Variants in PTPRK observed in about 807,000 individuals in gnomAD.
The protein encoded by PTPRK is receptor-type tyrosine-protein phosphatase kappa.
In PTPRK, 75 loss-of-function variants were observed where a neutral mutation model predicts 178.0. The ratio of observed to expected loss-of-function variants is 0.42; its 90% confidence interval spans 0.35 to 0.51. The LOEUF is 0.51. Ranked by LOEUF, PTPRK falls within the 20% of genes least tolerant of loss-of-function variation. PTPRK has a pLI of 0.02. For synonymous variants in PTPRK, 637 were observed against 620.6 expected (o/e 1.03, Z -0.39); for missense variants, 1,441 against 1,797.8 (o/e 0.80, Z 3.59).
At chr6:128,384,326 C>T (rs1443185571) in intron 2 of PTPRK, among the ~76,000 whole-genome samples, 1 of 152,064 alleles carries the variant, frequency 6.6e-6, no homozygotes, top group East Asian at 1.9e-4. Flanking sequence ...GGAGATATTT[C>T]TCAACATATA....
chr6:128,231,168 C>G (rs1034238357), intron 5 of PTPRK, among the ~76,000 whole-genome samples: 1 of 152,132 alleles, frequency 6.6e-6, no homozygotes, highest in Admixed American at 6.5e-5. Context: ...GATATGAGAT[C>G]GGTGACTTTA....
intron 7 of PTPRK, among the ~76,000 whole-genome samples, chr6:128,169,113 C>A (rs927280536): frequency 5.9e-5 from 9 of 152,082 alleles, no homozygotes; most frequent in Middle Eastern, 3.4e-3. Context: ...AGGTTAGGAA[C>A]ATTAAGTAGA....
intron 1 of PTPRK, among the ~76,000 whole-genome samples, chr6:128,481,316 T>C (rs1293537369): frequency 6.6e-6 from 1 of 152,206 alleles, no homozygotes; most frequent in Non-Finnish European, 1.5e-5. Flanking sequence ...AGATTTAGAA[T>C]ATGAAATTCT....
chr6:128,226,696 T>C (rs1327460057), intron 5 of PTPRK, among the ~76,000 whole-genome samples: 1 of 150,312 alleles, frequency 6.7e-6, no homozygotes, highest in South Asian at 2.1e-4. Context: ...AACCAATTCC[T>C]TGCAGTAAAT....
intron 1 of PTPRK, among the ~76,000 whole-genome samples, chr6:128,467,534 C>T (rs947525345): frequency 7.9e-5 from 12 of 152,200 alleles, no homozygotes; most frequent in African/African-American, 2.9e-4. Flanking sequence ...TGATGACTTT[C>T]ATATCACCAA....
chr6:128,300,908 A>C (rs1459632653), intron 3 of PTPRK, among the ~76,000 whole-genome samples: 3 of 152,024 alleles, frequency 2.0e-5, no homozygotes, highest in African/African-American at 7.2e-5. Flanking sequence ...TACCTCCCAG[A>C]TTTCAACATA....
At chr6:128,406,207 C>T (rs1205398736) in intron 1 of PTPRK, among the ~76,000 whole-genome samples, 3 of 151,884 alleles carry the variant, frequency 2.0e-5, no homozygotes, top group Non-Finnish European at 4.4e-5. Context: ...AAGCCATGAT[C>T]ATACCACTGC....
intron 1 of PTPRK, among the ~76,000 whole-genome samples, chr6:128,434,904 G>C (rs1322249451): frequency 6.6e-6 from 1 of 152,034 alleles, no homozygotes; most frequent in Non-Finnish European, 1.5e-5. Flanking sequence ...CACACGTGTA[G>C]TCCCCACCAC....
chr6:128,109,025 G>T (rs1210608605), intron 7 of PTPRK, among the ~76,000 whole-genome samples: 1 of 151,924 alleles, frequency 6.6e-6, no homozygotes, highest in East Asian at 1.9e-4. Context: ...GATTTTGGGG[G>T]AACACAAACA....
intron 7 of PTPRK, among the ~76,000 whole-genome samples, chr6:128,132,347 T>A (rs1266789274): frequency 6.6e-6 from 1 of 152,160 alleles, no homozygotes; most frequent in African/African-American, 2.4e-5. Context: ...GCTAATTTTT[T>A]GTATTTTTAG....
rs149910752 is a variant in PTPRK at position 128,363,339 on chromosome 6, G to C, written c.223+34227C>G. ...CCAAATGGTGCAACCACAAAATGTA[G>C]AGCCTCAGTCAGCATGAGTTTGTGG... On this transcript the variant is annotated intron_variant, in intron 2 of 29. Coordinates refer to ENST00000368226, the MANE Select transcript of PTPRK (RefSeq NM_002844.4). 2.0e-3 allele frequency among the ~76,000 whole-genome samples: 302 copies of C among 152,216 alleles called. 1 individual carries two copies. Among genetic ancestry groups the C allele is most frequent in the African/African-American group, 7.1e-3 (294 of 41,536 alleles).
rs184861706 is a variant in PTPRK at position 128,415,858 on chromosome 6, A to C, written c.101-18170T>G. ...ATTCAAAATAACTGAAAATTTAAAA[A>C]AAAATTCCATTCCTATATATACGAT... On this transcript the variant is annotated intron_variant, in intron 1 of 29. Transcript: ENST00000368226. Among the ~76,000 whole-genome samples, 3 of 152,330 alleles carry C rather than the reference A, an allele frequency of 2.0e-5. No homozygotes were observed. The East Asian group carries it at 5.8e-4, about 29-fold the overall frequency.
chr6:128,243,560 C>T (rs1814901850), intron 3 of PTPRK, among the ~76,000 whole-genome samples: 1 of 149,568 alleles, frequency 6.7e-6, no homozygotes, highest in African/African-American at 2.5e-5. Context: ...GTGACACATG[C>T]CTATAGTATC....
At chr6:128,124,592 TC>T (rs1793027353) in intron 7 of PTPRK, among the ~76,000 whole-genome samples, 1 of 152,110 alleles carries the variant, frequency 6.6e-6, no homozygotes, top group African/African-American at 2.4e-5. Flanking sequence ...TATTCAAACC[TC>T]TTCTCCTCCA....
At chr6:128,434,664 A>T (rs1845274686) in intron 1 of PTPRK, among the ~76,000 whole-genome samples, 1 of 152,196 alleles carries the variant, frequency 6.6e-6, no homozygotes, top group Non-Finnish European at 1.5e-5. Flanking sequence ...CATCAAAATT[A>T]AAGTACTGGA....
At chr6:128,407,291 A>G (rs536403175) in intron 1 of PTPRK, among the ~76,000 whole-genome samples, 1 of 152,290 alleles carries the variant, frequency 6.6e-6, no homozygotes, top group Non-Finnish European at 1.5e-5. Flanking sequence ...GTTCCTAAGA[A>G]CAGTACATAT....
intron 3 of PTPRK, among the ~76,000 whole-genome samples, chr6:128,276,732 GA>G (rs34000562): frequency 0.044 from 6,622 of 152,116 alleles, 480 homozygotes; most frequent in African/African-American, 0.15. Context: ...AAGAAACATA[GA>G]AGGAGTTGCG....
At chr6:128,201,307 A>G (rs113779684) in intron 6 of PTPRK, among the ~76,000 whole-genome samples, 3 of 152,238 alleles carry the variant, frequency 2.0e-5, no homozygotes, top group African/African-American at 7.2e-5. Context: ...GAGCAATAGC[A>G]GAATAATTTC....
intron 3 of PTPRK, among the ~76,000 whole-genome samples, chr6:128,316,063 T>G (rs912244034): frequency 2.0e-5 from 3 of 152,220 alleles, no homozygotes; most frequent in African/African-American, 7.2e-5. Context: ...ATGTATTATA[T>G]GAAACAGTAT....
Sources: gnomAD v4.1 joint callset for allele counts (sites outside exome capture counted in the v4.1 genomes callset) on GRCh38, gnomAD v4.1.1 for gene constraint, MANE v1.5 for transcripts, NCBI Gene and HGNC (gene_info 2026-07-23, HGNC 2026-07-21) for gene names.